Variants in PIK3CB observed in about 807,000 individuals in gnomAD.
PIK3CB encodes phosphatidylinositol 4,5-bisphosphate 3-kinase catalytic subunit beta isoform.
Under a neutral mutation model 136.8 loss-of-function variants are expected in PIK3CB, and 39 were observed. The ratio of observed to expected loss-of-function variants is 0.29; its 90% CI spans 0.22 to 0.37. The LOEUF is 0.37. Among genes scored for constraint, PIK3CB ranks in the 10% least tolerant of loss-of-function variants. The pLI is 1.00. For synonymous variants in PIK3CB, 428 were observed against 436.6 expected (o/e 0.98, Z 0.25); for missense variants, 868 against 1,275.4 (o/e 0.68, Z 4.87).
At chr3:138,663,863 T>C (rs751173883) in intron 21 of PIK3CB, 43 bp downstream of exon 21, 4 of 1,589,660 alleles carry the variant, frequency 2.5e-6, no homozygotes, top group South Asian at 1.1e-5. Flanking sequence ...ACATAAGAAA[T>C]AGCATTACTA....
Position 138,659,599 on chromosome 3 carries a change from T to G in PIK3CB, c.2797-1764A>C, listed in dbSNP as rs149913564. On this transcript the variant is annotated intron_variant, in intron 21 of 23. Transcript: ENST00000674063. ...AAATTATGAAGGCTAACGTGCACTG[T>G]CTTATAATTGCCAATGTAGCTATTG... Among the ~76,000 whole-genome samples the G allele has an allele frequency of 3.7e-3, 567 of 152,186 alleles. 4 individuals are homozygous for G. The highest frequency in any genetic ancestry group is 0.027 in the Middle Eastern group (8 of 294).
At chr3:138,789,396 T>C (rs1356959675) in intron 2 of PIK3CB, among the ~76,000 whole-genome samples, 2 of 151,960 alleles carry the variant, frequency 1.3e-5, no homozygotes, top group African/African-American at 2.4e-5. Context: ...GAGGTGGAGG[T>C]TGCAGTGAGC....
At chr3:138,736,283 T>C (rs936651137) in intron 6 of PIK3CB, among the ~76,000 whole-genome samples, 1 of 152,174 alleles carries the variant, frequency 6.6e-6, no homozygotes, top group African/African-American at 2.4e-5. Flanking sequence ...TAACTGCTCC[T>C]GGACCTTATA....
intron 19 of PIK3CB, among the ~76,000 whole-genome samples, chr3:138,669,405 T>G (rs361093): frequency 8.5e-6 from 1 of 117,416 alleles, no homozygotes. Context: ...GAGACCCTGT[T>G]TCAAAAAAAA....
intron 2 of PIK3CB, among the ~76,000 whole-genome samples, chr3:138,760,949 C>T (rs2045655087): frequency 6.6e-6 from 1 of 152,038 alleles, no homozygotes; most frequent in Admixed American, 6.6e-5. Flanking sequence ...ACTTCTTTTG[C>T]TAATAAATGG....
chr3:138,806,874 G>A (rs918301962), intron 1 of PIK3CB, among the ~76,000 whole-genome samples: 2 of 152,194 alleles, frequency 1.3e-5, no homozygotes, highest in African/African-American at 4.8e-5. Flanking sequence ...ATTCTAGGCA[G>A]GGGATAAGAG....
intron 2 of PIK3CB, among the ~76,000 whole-genome samples, chr3:138,781,944 A>G (rs899591472): frequency 6.6e-6 from 1 of 152,222 alleles, no homozygotes; most frequent in Non-Finnish European, 1.5e-5. Flanking sequence ...GTTTTAAAAA[A>G]CAATTCCTAT....
intron 2 of PIK3CB, among the ~76,000 whole-genome samples, chr3:138,788,381 G>T (rs2046004565): frequency 6.6e-6 from 1 of 151,992 alleles, no homozygotes; most frequent in African/African-American, 2.4e-5. Context: ...TACTGGCTGG[G>T]CACAGTGGCT....
intron 1 of PIK3CB, among the ~76,000 whole-genome samples, chr3:138,818,042 C>T (rs1482938028): frequency 6.6e-6 from 1 of 152,188 alleles, no homozygotes; most frequent in East Asian, 1.9e-4. Context: ...GTCCCAGCTA[C>T]TCAGGAGGCT....
At chr3:138,693,417 G>A (rs950307419) in intron 14 of PIK3CB, among the ~76,000 whole-genome samples, 1 of 151,668 alleles carries the variant, frequency 6.6e-6, no homozygotes, top group Middle Eastern at 3.5e-3. Flanking sequence ...TTTTTTTTTG[G>A]AGACGGAGTC....
intron 1 of PIK3CB, among the ~76,000 whole-genome samples, chr3:138,802,411 A>T (rs1223493006): frequency 6.6e-6 from 1 of 151,552 alleles, no homozygotes; most frequent in Non-Finnish European, 1.5e-5. Context: ...AGAAAAGGGA[A>T]GGGGGAAAGT....
intron 2 of PIK3CB, among the ~76,000 whole-genome samples, chr3:138,766,938 T>C (rs932984984): frequency 1.3e-5 from 2 of 152,178 alleles, no homozygotes; most frequent in African/African-American, 4.8e-5. Flanking sequence ...AGGAGATATA[T>C]AGTATTAAGC....
intron 1 of PIK3CB, chr3:138,826,150 A>G (rs1933773993): frequency 1.9e-6 from 2 of 1,028,696 alleles, no homozygotes; most frequent in Non-Finnish European, 3.0e-6. Flanking sequence ...GCCATAGTTG[A>G]TATGGTTCCT....
intron 18 of PIK3CB, among the ~76,000 whole-genome samples, chr3:138,683,118 C>T (rs1423170547): frequency 2.0e-5 from 3 of 152,052 alleles, no homozygotes; most frequent in East Asian, 3.9e-4. Context: ...TTTGAAAGGC[C>T]GGGGTGGGTA....
chr3:138,673,630 A>C (rs567418812), intron 19 of PIK3CB, among the ~76,000 whole-genome samples: 1 of 152,308 alleles, frequency 6.6e-6, no homozygotes, highest in East Asian at 1.9e-4. Context: ...ACTATTTTAG[A>C]GTTCTGAAAA....
intron 14 of PIK3CB, among the ~76,000 whole-genome samples, chr3:138,692,405 A>C (rs1235772448): frequency 3.9e-5 from 6 of 152,190 alleles, no homozygotes; most frequent in African/African-American, 1.4e-4. Context: ...TTTAAGAAAA[A>C]CACTTGGCTC....
intron 2 of PIK3CB, among the ~76,000 whole-genome samples, chr3:138,770,752 C>G (rs2045789118): frequency 6.6e-6 from 1 of 152,042 alleles, no homozygotes; most frequent in Admixed American, 6.6e-5. Flanking sequence ...TGCTCTGTCA[C>G]CCAGTCTAGA....
chr3:138,660,848 C>T (rs2043283311), intron 21 of PIK3CB, among the ~76,000 whole-genome samples: 1 of 152,140 alleles, frequency 6.6e-6, no homozygotes. Context: ...GTATATTAAT[C>T]CTTAGCTGAC....
intron 8 of PIK3CB, among the ~76,000 whole-genome samples, chr3:138,727,044 T>C (rs2044854815): frequency 6.6e-6 from 1 of 151,878 alleles, no homozygotes; most frequent in African/African-American, 2.4e-5. Context: ...AGCAAGACTG[T>C]CTTTAAAAAA....
Sources: allele counts gnomAD v4.1 joint callset (sites outside exome capture counted in the v4.1 genomes callset), GRCh38; gene constraint gnomAD v4.1.1; transcripts MANE v1.5; gene names NCBI Gene and HGNC (gene_info 2026-07-23, HGNC 2026-07-21).